Variants in PUS7 observed in about 807,000 individuals in gnomAD.
PUS7 encodes the protein pseudouridine synthase 7, also known as pseudouridylate synthase 7 homolog.
PUS7 carries 48 observed loss-of-function variants against 79.8 expected under a neutral mutation model. The ratio of observed to expected loss-of-function variants is 0.60; its 90% confidence interval spans 0.48 to 0.76. The LOEUF is 0.76. Among genes scored for constraint, PUS7 ranks in the 30% least tolerant of loss-of-function variants. PUS7 has a pLI of 0.00. For missense variants in PUS7, 729 were observed against 797.6 expected (o/e 0.91, Z 1.04); for synonymous variants, 286 against 272.2 (o/e 1.05, Z -0.50).
chr7:105,470,046 C>G (rs1220689921), intron 11 of PUS7, among the ~76,000 whole-genome samples: 1 of 152,208 alleles, frequency 6.6e-6, no homozygotes, highest in East Asian at 1.9e-4. Flanking sequence ...AATTTTCAAG[C>G]TAACAGTGCT....
rs1409630778 is a variant in PUS7 at position 105,457,669 on chromosome 7, C to A, written c.*121G>T. Reference sequence around the variant, plus strand: ...TTAAGCTAATAAAAACTTAAAAATACAAATAATTTTTATTACAAAGATTTG... The same window carrying A: ...TTAAGCTAATAAAAACTTAAAAATAAAAATAATTTTTATTACAAAGATTTG... On this transcript the variant is annotated 3_prime_UTR_variant, in exon 16 of 16. Transcript: ENST00000469408. 2 of 1,002,620 alleles carry A rather than the reference C, an allele frequency of 2.0e-6. No homozygotes were observed. Among genetic ancestry groups the A allele is most frequent in the East Asian group, 2.8e-5 (1 of 36,086 alleles). The allele number at this position is 1,002,620 out of a possible 1,614,324, so 62.1% of individuals were successfully genotyped here. A position where few individuals can be genotyped will look rare whatever the true frequency, so the allele number is the denominator to read the frequency against.
intron 1 of PUS7, among the ~76,000 whole-genome samples, chr7:105,519,628 T>C (rs529218323): frequency 7.9e-5 from 12 of 152,310 alleles, no homozygotes; most frequent in East Asian, 3.9e-4. Context: ...AAGTGTCCTA[T>C]GTGTCTGGCA....
intron 4 of PUS7, among the ~76,000 whole-genome samples, chr7:105,505,452 C>T (rs946794124): frequency 6.6e-6 from 1 of 152,174 alleles, no homozygotes; most frequent in Non-Finnish European, 1.5e-5. Context: ...CAACTGAGGC[C>T]AAGAAGCTGC....
intron 14 of PUS7, among the ~76,000 whole-genome samples, chr7:105,460,450 TGGA>T (rs1823375562): frequency 6.6e-6 from 1 of 152,042 alleles, no homozygotes; most frequent in African/African-American, 2.4e-5. Context: ...GTAAGAGAGA[TGGA>T]GAAGAGAAGG....
intron 1 of PUS7, among the ~76,000 whole-genome samples, chr7:105,516,816 G>A (rs933692152): frequency 1.3e-5 from 2 of 151,996 alleles, no homozygotes; most frequent in Non-Finnish European, 2.9e-5. Flanking sequence ...TATGAACATA[G>A]AAGAGGCCTG....
intron 7 of PUS7, among the ~76,000 whole-genome samples, chr7:105,489,134 C>A (rs1449117335): frequency 1.0e-5 from 1 of 96,198 alleles, no homozygotes; most frequent in Admixed American, 1.5e-4. Context: ...GGCAACAGAG[C>A]GAAACTCCAT....
intron 12 of PUS7, among the ~76,000 whole-genome samples, chr7:105,467,934 C>G (rs919513374): frequency 6.6e-6 from 1 of 151,228 alleles, no homozygotes; most frequent in Middle Eastern, 3.2e-3. Flanking sequence ...ACTTACTAGA[C>G]ATCTCTTTTT....
At chr7:105,521,890 C>G (rs1177923468) in intron 1 of PUS7, among the ~76,000 whole-genome samples, 162 bp downstream of exon 1, 1 of 151,764 alleles carries the variant, frequency 6.6e-6, no homozygotes, top group Non-Finnish European at 1.5e-5. Flanking sequence ...CCCGCTGGCA[C>G]GATCCATAAT....
Position 105,457,808 on chromosome 7 carries a change from A to G in PUS7, c.1968T>C (p.Asn656=). ...DTSIKNQTQL[N]TTWLR ...GTACTGCTCAGCGAAGCCAGGTTGTATTCAGCTGCGTCTGGTTCTTGATAC... is the reference window on the plus strand; with the variant it reads ...GTACTGCTCAGCGAAGCCAGGTTGTGTTCAGCTGCGTCTGGTTCTTGATAC... Residue 656 remains asparagine, a synonymous_variant, in exon 16 of 16, where the codon AAT becomes AAC. Transcript: ENST00000469408. 2.5e-6 allele frequency: 4 copies of G among 1,614,126 alleles called. No individual in the cohort carries two copies. The highest frequency in any genetic ancestry group is 3.4e-6 in the Non-Finnish European group (4 of 1,179,974).
chr7:105,478,970 G>A (rs1824210797), intron 9 of PUS7, among the ~76,000 whole-genome samples: 2 of 151,932 alleles, frequency 1.3e-5, no homozygotes, highest in African/African-American at 2.4e-5. Flanking sequence ...CTGTCCTTCT[G>A]CCAAATTAAT....
rs189668657 is a variant in PUS7, at chr7:105,483,324, G to A, written c.921-884C>T. ...CTTACAGGCGCACACCACCATGCCC[G>A]GCTAATTTTTTTTTAGTTTTAGTAC... On this transcript the variant is annotated intron_variant, in intron 7 of 15. Coordinates refer to ENST00000469408, the MANE Select transcript of PUS7 (RefSeq NM_019042.5). Among the ~76,000 whole-genome samples the A allele has an allele frequency of 4.5e-4, 68 of 152,076 alleles. 1 individual carries two copies. The East Asian group carries it at 0.012, about 28-fold the overall frequency.
At chr7:105,460,853 CAAAAAA>C (rs55923593) in intron 14 of PUS7, among the ~76,000 whole-genome samples, 30 of 83,562 alleles carry the variant, frequency 3.6e-4, no homozygotes, top group Middle Eastern at 6.8e-3. Flanking sequence ...GACTCCGTCT[CAAAAAA>C]AAAAAAAAAA....
At chr7:105,515,629 G>T (rs1032102011) in intron 1 of PUS7, among the ~76,000 whole-genome samples, 3 of 151,892 alleles carry the variant, frequency 2.0e-5, no homozygotes, top group Non-Finnish European at 4.4e-5. Context: ...CCCTATCATA[G>T]ACAAATTAAT....
At chr7:105,496,611 C>A (rs929100877) in intron 5 of PUS7, among the ~76,000 whole-genome samples, 1 of 152,068 alleles carries the variant, frequency 6.6e-6, no homozygotes, top group South Asian at 2.1e-4. Context: ...TTTGTCAAGG[C>A]AAAAGCACTG....
At position 105,472,320 on chromosome 7, in the gene PUS7, C is replaced by A. The variant is rs74957769; in HGVS notation, c.1176-127G>T. 2,467 of 585,984 alleles carry A rather than the reference C, an allele frequency of 4.2e-3. 41 individuals carry two copies. The highest frequency in any genetic ancestry group is 0.041 in the African/African-American group (2,149 of 52,620). 36.3% of individuals were successfully genotyped at this position (585,984 alleles called of 1,614,324 possible). On this transcript the variant is annotated intron_variant, in intron 9 of 15. Coordinates refer to ENST00000469408, the MANE Select transcript of PUS7 (RefSeq NM_019042.5). ...AAGCCTTGACCTCCCAGGCTCTACT[C>A]CCAGGCTCTAGTCTAGTGATTCTCC...
chr7:105,477,796 T>C (rs568209178), intron 9 of PUS7, among the ~76,000 whole-genome samples: 6 of 151,968 alleles, frequency 3.9e-5, no homozygotes, highest in African/African-American at 1.2e-4. Flanking sequence ...GGAAATTTCA[T>C]AGAAATTGAT....
chr7:105,469,017 C>T (rs1356389101), intron 11 of PUS7, among the ~76,000 whole-genome samples: 1 of 151,032 alleles, frequency 6.6e-6, no homozygotes, highest in East Asian at 2.0e-4. Context: ...TTCTCCCACC[C>T]CAGCCTCTTG....
chr7:105,470,249 A>G (rs1414461994), intron 11 of PUS7: 3 of 153,722 alleles, frequency 2.0e-5, no homozygotes, highest in Admixed American at 6.5e-5. Context: ...TGGATTATAC[A>G]TATCCAAATA....
chr7:105,497,191 G>C (rs1030031340), intron 5 of PUS7, among the ~76,000 whole-genome samples: 22 of 152,304 alleles, frequency 1.4e-4, no homozygotes, highest in African/African-American at 5.1e-4. Flanking sequence ...TTCTACAGGT[G>C]CAGCCTCCTT....
Sources: gnomAD v4.1 joint callset for allele counts (sites outside exome capture counted in the v4.1 genomes callset) on GRCh38, gnomAD v4.1.1 for gene constraint, MANE v1.5 for transcripts, NCBI Gene and HGNC (gene_info 2026-07-23, HGNC 2026-07-21) for gene names.